Variants in CADM1 observed in about 807,000 individuals in gnomAD.
CADM1 encodes the protein cell adhesion molecule 1.
In CADM1, 15 loss-of-function variants were observed where a neutral mutation model predicts 53.1. The observed-to-expected ratio is 0.28, with a 90% CI of 0.19 to 0.44. The LOEUF (loss-of-function observed/expected upper bound fraction) is 0.44, where lower values mean the gene tolerates loss of function less well. CADM1 is among the 20% of genes least tolerant of loss of function. CADM1 has a pLI of 1.00. For synonymous variants in CADM1, 281 were observed against 243.0 expected, an observed-to-expected ratio of 1.16 and a Z score of -1.45; for missense variants, 434 against 611.3, an observed-to-expected ratio of 0.71 and a Z score of 3.06.
At chr11:115,445,302 TA>T (rs1948423791) in intron 1 of CADM1, among the ~76,000 whole-genome samples, 1 of 152,098 alleles carries the variant, frequency 6.6e-6, no homozygotes, top group South Asian at 2.1e-4. Context: ...GACAGACCAC[TA>T]CTTCCCCACT....
At position 115,275,954 on chromosome 11, in the gene CADM1, T is replaced by C. The variant is rs568055810; in HGVS notation, c.125-35534A>G. Among the ~76,000 whole-genome samples the C allele has an allele frequency of 2.0e-5, 3 of 152,338 alleles. No individual in the cohort carries two copies. In the South Asian group the frequency reaches 6.2e-4, roughly 32 times the overall value. ...GAAACACAAAAATGTGTCTATTCCA[T>C]GACTAAGGTTAACAGAAGCTTAGTT... On this transcript the variant is annotated intron_variant, in intron 1 of 11. Transcript: ENST00000331581.
chr11:115,251,885 G>T (rs934205761), intron 1 of CADM1, among the ~76,000 whole-genome samples: 6 of 152,178 alleles, frequency 3.9e-5, no homozygotes, highest in African/African-American at 1.4e-4. Context: ...GTGGACCAAA[G>T]AGATTCCAGA....
At chr11:115,225,124 G>T (rs1054941254) in intron 5 of CADM1, among the ~76,000 whole-genome samples, 1 of 152,146 alleles carries the variant, frequency 6.6e-6, no homozygotes, top group Non-Finnish European at 1.5e-5. Context: ...CAGAATGAAA[G>T]CTAGAAAACT....
At position 115,209,605 on chromosome 11, in the gene CADM1, G is replaced by A. The variant is rs1940855287; in HGVS notation, c.1047C>T (p.Thr349=). ...TGATGGTAAGGATGGTGGTGGTGGTGGTGGTGGTGGTGGTGGTGGTTGTTG... is the reference window on the plus strand; with the variant it reads ...TGATGGTAAGGATGGTGGTGGTGGTAGTGGTGGTGGTGGTGGTGGTTGTTG... ...PPTTTTTTTT[T]TTTTILTIIT... is the part of the protein sequence containing the mutation. The change falls in exon 8 of 12, where the codon ACC becomes ACT. Residue 349 remains threonine (T), a synonymous_variant. Transcript: ENST00000331581. The A allele has an allele frequency of 6.2e-7, 1 of 1,612,062 alleles. No homozygotes were observed. Among genetic ancestry groups the A allele is most frequent in the Non-Finnish European group, 8.5e-7 (1 of 1,178,954 alleles).
chr11:115,475,449 G>A (rs1949110326), intron 1 of CADM1, among the ~76,000 whole-genome samples: 1 of 152,048 alleles, frequency 6.6e-6, no homozygotes, highest in Middle Eastern at 3.4e-3. Flanking sequence ...AAAACTTATG[G>A]CTCACAAAAA....
intron 1 of CADM1, among the ~76,000 whole-genome samples, chr11:115,285,328 G>C (rs138666263): frequency 6.6e-6 from 1 of 152,172 alleles, no homozygotes; most frequent in Non-Finnish European, 1.5e-5. Context: ...TGTAAACTTC[G>C]TTGTGTACCT....
chr11:115,385,204 T>G (rs1440867962), intron 1 of CADM1, among the ~76,000 whole-genome samples: 1 of 151,948 alleles, frequency 6.6e-6, no homozygotes, highest in Admixed American at 6.6e-5. Context: ...AAACAGATTT[T>G]CAATTAAAAA....
At chr11:115,387,535 G>A (rs1946729337) in intron 1 of CADM1, among the ~76,000 whole-genome samples, 2 of 152,136 alleles carry the variant, frequency 1.3e-5, no homozygotes, top group Admixed American at 6.6e-5. Flanking sequence ...AAAGTGTGGA[G>A]GGAAAACATG....
At chr11:115,193,073 G>A (rs191535131) in intron 9 of CADM1, among the ~76,000 whole-genome samples, 10 of 152,160 alleles carry the variant, frequency 6.6e-5, no homozygotes, top group Non-Finnish European at 8.8e-5. Context: ...AAGTGGGGAC[G>A]AGCAAAATTT....
At chr11:115,491,563 C>T (rs1343986729) in intron 1 of CADM1, among the ~76,000 whole-genome samples, 1 of 150,808 alleles carries the variant, frequency 6.6e-6, no homozygotes, top group Non-Finnish European at 1.5e-5. Context: ...AAGACTCCAT[C>T]TCAAAAAAAA....
chr11:115,308,247 G>A (rs1357608585), intron 1 of CADM1, among the ~76,000 whole-genome samples: 2 of 144,876 alleles, frequency 1.4e-5, no homozygotes, highest in South Asian at 2.2e-4. Context: ...CTTAATTGGT[G>A]AAAGTTTCCA....
At position 115,174,686 on chromosome 11, in the gene CADM1, T is replaced by C. The variant is rs1206062912; in HGVS notation, c.*1788A>G. Reference sequence around the variant, plus strand: ...ATAAGTTTTCCACATAATGTAACAATAGTAAAAATGCACCTTGCAAAATCC... The same window carrying C: ...ATAAGTTTTCCACATAATGTAACAACAGTAAAAATGCACCTTGCAAAATCC... On this transcript the variant is annotated 3_prime_UTR_variant, in exon 12 of 12. Transcript: ENST00000331581. The C allele has an allele frequency of 6.1e-6, 6 of 978,050 alleles. No homozygotes were observed. The highest frequency in any genetic ancestry group is 7.3e-6 in the Non-Finnish European group (6 of 823,032). The allele number at this position is 978,050 out of a possible 1,614,324, so 60.6% of individuals were successfully genotyped here. A position where few individuals can be genotyped will look rare whatever the true frequency, so the allele number is the denominator to read the frequency against.
chr11:115,401,891 A>G (rs1475272346), intron 1 of CADM1, among the ~76,000 whole-genome samples: 2 of 152,148 alleles, frequency 1.3e-5, no homozygotes, highest in East Asian at 3.9e-4. Context: ...CTATGCATGT[A>G]TGGGGACAAG....
chr11:115,387,626 T>G (rs1946731870), intron 1 of CADM1, among the ~76,000 whole-genome samples: 1 of 152,152 alleles, frequency 6.6e-6, no homozygotes, highest in African/African-American at 2.4e-5. Flanking sequence ...ATTAAAGGAC[T>G]GAGTAAATGA....
intron 1 of CADM1, among the ~76,000 whole-genome samples, chr11:115,456,524 A>T (rs1169371522): frequency 6.6e-6 from 1 of 152,154 alleles, no homozygotes; most frequent in Non-Finnish European, 1.5e-5. Context: ...AAGTAAAAAG[A>T]ACATTATAAA....
intron 1 of CADM1, among the ~76,000 whole-genome samples, chr11:115,330,702 C>G (rs946339322): frequency 6.6e-6 from 1 of 152,174 alleles, no homozygotes; most frequent in African/African-American, 2.4e-5. Flanking sequence ...CAAGAAAATC[C>G]TACACTAGTG....
At chr11:115,234,893 C>CCAAAAAAAA (rs1491516911) in intron 3 of CADM1, among the ~76,000 whole-genome samples, 1 of 75,388 alleles carries the variant, frequency 1.3e-5, no homozygotes, top group African/African-American at 5.3e-5. Context: ...ACTCCGTCTC[C>CCAAAAAAAA]AAAAAAAAAA....
intron 1 of CADM1, among the ~76,000 whole-genome samples, chr11:115,346,596 TTC>T (rs1396105853): frequency 2.0e-5 from 3 of 152,144 alleles, no homozygotes; most frequent in African/African-American, 7.2e-5. Context: ...TTCATGAAAC[TTC>T]TTTTTTGTTG....
At chr11:115,402,761 T>C (rs1376643323) in intron 1 of CADM1, among the ~76,000 whole-genome samples, 3 of 152,102 alleles carry the variant, frequency 2.0e-5, no homozygotes, top group Non-Finnish European at 4.4e-5. Context: ...ACTCCGTTTA[T>C]GAGGCTGAGG....
Sources: gnomAD v4.1 joint callset for allele counts (sites outside exome capture counted in the v4.1 genomes callset) on GRCh38, gnomAD v4.1.1 for gene constraint, MANE v1.5 for transcripts, NCBI Gene and HGNC (gene_info 2026-07-23, HGNC 2026-07-21) for gene names.